RB1: variants seen among roughly 807,000 people sequenced by gnomAD.
RB1 encodes the protein retinoblastoma-associated protein.
In RB1, 18 loss-of-function variants were observed where a neutral mutation model predicts 135.4. The ratio of observed to expected loss-of-function variants is 0.13; its 90% confidence interval spans 0.09 to 0.20. RB1 has a LOEUF of 0.20. Ranked by LOEUF, RB1 falls within the 10% of genes least tolerant of loss-of-function variation. The pLI is 1.00. For synonymous variants in RB1, 365 were observed against 373.2 expected, an observed-to-expected ratio of 0.98 and a Z score of 0.25; for missense variants, 868 against 1,110.0, an observed-to-expected ratio of 0.78 and a Z score of 3.10.
intron 17 of RB1, chr13:48,412,880 A>G (rs2138206455): frequency 5.5e-6 from 1 of 182,688 alleles, no homozygotes; most frequent in Non-Finnish European, 1.3e-5. Context: ...TATCAATCTT[A>G]TTTTCTTTTC....
rs561404670 is a variant in RB1, at chr13:48,339,641, C to G, written c.265-2958C>G. ...CTTCCCAGGTGAGGTGATGCCTCGC[C>G]CTGCTTTGGCTCACACTTGGTTGGC... is the stretch of plus-strand genomic sequence containing the variant. On this transcript the variant is annotated intron_variant, in intron 2 of 26. Transcript: ENST00000267163. Among the ~76,000 whole-genome samples, 62 of 152,292 alleles carry G rather than the reference C, an allele frequency of 4.1e-4. No homozygotes were observed. In the Middle Eastern group the frequency reaches 0.01, roughly 25 times the overall value.
chr13:48,352,574 T>A (rs763398764), intron 6 of RB1, among the ~76,000 whole-genome samples: 1 of 152,174 alleles, frequency 6.6e-6, no homozygotes, highest in Non-Finnish European at 1.5e-5. Flanking sequence ...AGCTTTCACC[T>A]CCCTGGTTAG....
At chr13:48,416,047 TC>T (rs1426058607) in intron 17 of RB1, among the ~76,000 whole-genome samples, 1 of 152,204 alleles carries the variant, frequency 6.6e-6, no homozygotes, top group African/African-American at 2.4e-5. Flanking sequence ...ATGTGAGATC[TC>T]TACACTTCTG....
At chr13:48,435,335 C>A (rs1167191325) in intron 17 of RB1, among the ~76,000 whole-genome samples, 10 of 152,082 alleles carry the variant, frequency 6.6e-5, no homozygotes, top group Non-Finnish European at 1.2e-4. Context: ...ATTGATTAAC[C>A]TTTCCCTGTT....
intron 3 of RB1, among the ~76,000 whole-genome samples, chr13:48,342,966 G>A (rs1952460955): frequency 6.6e-6 from 1 of 152,058 alleles, no homozygotes; most frequent in Non-Finnish European, 1.5e-5. Flanking sequence ...TCATGTGTAA[G>A]CTTTCTTAAT....
At position 48,349,024 on chromosome 13, in the gene RB1, G is replaced by T. The variant is rs587776789; in HGVS notation, c.607+1G>T. On this transcript the variant is annotated splice_donor_variant, in intron 6 of 26. Coordinates refer to ENST00000267163, the MANE Select transcript of RB1 (RefSeq NM_000321.3). LOFTEE classifies it high-confidence loss of function. ...TGGATCACATTTTTATTAGCTAAAGGTAAGTTCATTATATTTATTAAATGC... is the reference window on the plus strand; with the variant it reads ...TGGATCACATTTTTATTAGCTAAAGTTAAGTTCATTATATTTATTAAATGC... 6.3e-7 allele frequency: 1 copy of T among 1,594,608 alleles called. No individual in the cohort carries two copies.
chr13:48,338,567 G>C (rs1243729043), intron 2 of RB1, among the ~76,000 whole-genome samples: 1 of 152,140 alleles, frequency 6.6e-6, no homozygotes, highest in Non-Finnish European at 1.5e-5. Context: ...GGTTATTCTA[G>C]TTGGCCAGTT....
In RB1 at chr13:48,456,284, C is replaced by A. The variant is rs1949359489; in HGVS notation, c.1895C>A (p.Ala632Glu). The change falls in exon 19 of 27, where the codon GCA (alanine) becomes GAA (glutamate). Residue 632 changes from alanine (A) to glutamate (E), a missense_variant. Around this residue, in one of 3 missense-constraint regions of RB1, gnomAD observed 641 missense variants for 791.3 expected, o/e 0.81. Coordinates refer to ENST00000267163, the MANE Select transcript of RB1 (RefSeq NM_000321.3). ...VNSTANAETQ[A>E]TSAFQTQKPL... The stretch of plus-strand genomic sequence containing the variant: ...TCTACTGCAAATGCAGAGACACAAG[C>A]AACCTCAGCCTTCCAGACCCAGAAG... 6 of 1,614,220 alleles carry A rather than the reference C, an allele frequency of 3.7e-6. No individual in the cohort carries two copies. The highest frequency in any genetic ancestry group is 4.2e-6 in the Non-Finnish European group (5 of 1,180,034).
rs77893488 is a variant in RB1, at chr13:48,463,328, T to C, written c.2107-403T>C. Among the ~76,000 whole-genome samples the C allele has an allele frequency of 7.9e-5, 12 of 152,360 alleles. No individual in the cohort carries two copies. In the East Asian group the frequency reaches 2.3e-3, roughly 29 times the overall value. The stretch of plus-strand genomic sequence containing the variant: ...CTCTTACATGCTCTTCCAGTCACCA[T>C]AGCCTCCTTACCACCACCACCAAGT... On this transcript the variant is annotated intron_variant, in intron 20 of 26. Transcript: ENST00000267163.
In RB1 at chr13:48,364,984, G is replaced by A. The variant is rs754419372; in HGVS notation, c.939+13G>A. On this transcript the variant is annotated intron_variant, in intron 9 of 26. Transcript: ENST00000267163. ...TGGACTTCCAGAGGTAATCTGAAAG[G>A]AAATTTAATAAAATATTAATGTTTT... The A allele has an allele frequency of 1.9e-6, 3 of 1,561,236 alleles. No individual in the cohort carries two copies. In the Admixed American group the frequency reaches 5.3e-5, roughly 28 times the overall value.
intron 17 of RB1, among the ~76,000 whole-genome samples, chr13:48,433,479 C>G (rs1949150837): frequency 6.6e-6 from 1 of 151,974 alleles, no homozygotes; most frequent in Admixed American, 6.6e-5. Context: ...CTCAGAGTAC[C>G]TGCTGGAGAT....
chr13:48,418,702 T>A (rs1442095559), intron 17 of RB1, among the ~76,000 whole-genome samples: 10 of 133,834 alleles, frequency 7.5e-5, no homozygotes, highest in South Asian at 4.5e-4. Flanking sequence ...ACCAAGCAAA[T>A]GGAAAGCAAA....
At chr13:48,336,040 C>T (rs554341949) in intron 2 of RB1, among the ~76,000 whole-genome samples, 2 of 152,120 alleles carry the variant, frequency 1.3e-5, no homozygotes, top group East Asian at 1.9e-4. Context: ...AAAAAAGTTG[C>T]ATGGAGGTAT....
At chr13:48,318,967 A>C in intron 2 of RB1, 2 of 836,278 alleles carry the variant, frequency 2.4e-6, no homozygotes, top group East Asian at 2.5e-5. Context: ...GTGGGCTTGC[A>C]GAAAGGGACC....
intron 17 of RB1, among the ~76,000 whole-genome samples, chr13:48,430,768 A>AC (rs200760336): frequency 7.4e-4 from 80 of 108,806 alleles, no homozygotes; most frequent in South Asian, 4.5e-3. Flanking sequence ...AAACAAACAA[A>AC]AAAAAAAAAC....
At chr13:48,368,282 A>G (rs1593448871) in intron 10 of RB1, among the ~76,000 whole-genome samples, 1 of 152,220 alleles carries the variant, frequency 6.6e-6, no homozygotes, top group Admixed American at 6.5e-5. Flanking sequence ...TTTTAAAAAA[A>G]GACTTAATGA....
chr13:48,412,411 T>TAA (rs748403507), intron 17 of RB1: 2 of 1,613,498 alleles, frequency 1.2e-6, no homozygotes, highest in Admixed American at 3.3e-5. Flanking sequence ...TGGGAGCTGT[T>TAA]AACGCTTACC....
At chr13:48,435,734 T>C (rs1949176570) in intron 17 of RB1, among the ~76,000 whole-genome samples, 1 of 152,146 alleles carries the variant, frequency 6.6e-6, no homozygotes, top group Non-Finnish European at 1.5e-5. Context: ...AGTTTGAGAT[T>C]TGGGTTGAGG....
At chr13:48,373,569 T>A in intron 12 of RB1, 77 bp downstream of exon 12, 1 of 932,658 alleles carries the variant, frequency 1.1e-6, no homozygotes, top group Non-Finnish European at 1.8e-6. Flanking sequence ...AGTACTGAGT[T>A]CTTTTTAAAA....
Sources: gnomAD v4.1 joint callset for allele counts (sites outside exome capture counted in the v4.1 genomes callset) on GRCh38, gnomAD v4.1.1 for gene constraint, gnomAD v4.1.1 regional missense constraint, MANE v1.5 for transcripts, NCBI Gene and HGNC (gene_info 2026-07-23, HGNC 2026-07-21) for gene names.